Variants in ELP6 observed in about 807,000 individuals in gnomAD.
ELP6 encodes the protein elongator acetyltransferase complex subunit 6.
Under a neutral mutation model 28.1 loss-of-function variants are expected in ELP6, and 23 were observed. The observed-to-expected ratio is 0.82, with a 90% CI of 0.59 to 1.16. ELP6 has a LOEUF of 1.16. Ranked by LOEUF, ELP6 falls within the 50% of genes most tolerant of loss-of-function variation. ELP6 has a pLI of 0.00. For missense variants in ELP6, 313 were observed against 334.6 expected (o/e 0.94, Z 0.50); for synonymous variants, 132 against 135.8 (o/e 0.97, Z 0.19).
chr3:47,504,589 T>G, intron 3 of ELP6, 141 bp from the exon 4 acceptor site: 2 of 1,274,744 alleles, frequency 1.6e-6, no homozygotes, highest in Non-Finnish European at 2.0e-6. Context: ...CCTGTCTTCA[T>G]TCCCCTGGGT....
intron 5 of ELP6, chr3:47,500,323 T>G: frequency 1.3e-6 from 1 of 797,682 alleles, no homozygotes; most frequent in Non-Finnish European, 1.5e-6. Context: ...GCCGAGGCAG[T>G]AGAATCACCT....
At chr3:47,498,557 G>C in intron 5 of ELP6, 125 bp from the exon 6 acceptor site, 2 of 1,521,930 alleles carry the variant, frequency 1.3e-6, no homozygotes, top group Non-Finnish European at 1.8e-6. Context: ...CCCTGCTGCT[G>C]CTACAGCCAG....
intron 5 of ELP6, chr3:47,498,733 C>T (rs893504099): frequency 3.7e-5 from 36 of 984,950 alleles, no homozygotes; most frequent in East Asian, 3.4e-4. Context: ...AAAAGTGTCA[C>T]CATCCTGCCA....
chr3:47,505,252 G>T (rs1281293165), intron 3 of ELP6, among the ~76,000 whole-genome samples: 1 of 151,962 alleles, frequency 6.6e-6, no homozygotes, highest in Non-Finnish European at 1.5e-5. Flanking sequence ...GGTGACAAGA[G>T]TGAAACTGTC....
chr3:47,499,891 G>A lies in ELP6; in HGVS notation c.526-1459C>T, dbSNP rs192538556. On this transcript the variant is annotated intron_variant, in intron 5 of 6. Coordinates refer to ENST00000296149, the MANE Select transcript of ELP6 (RefSeq NM_001031703.3). Reference sequence around the variant, plus strand: ...AGAAGCTGCAGTGGGACCCGGAGGCGAAGCATATGGAGGTGGAGGACGTGA... The same window carrying A: ...AGAAGCTGCAGTGGGACCCGGAGGCAAAGCATATGGAGGTGGAGGACGTGA... 52 of 1,278,242 alleles carry A rather than the reference G, an allele frequency of 4.1e-5. No homozygotes were observed. The African/African-American group carries it at 5.3e-4, about 13-fold the overall frequency. 79.2% of individuals were successfully genotyped at this position (1,278,242 alleles called of 1,614,324 possible).
intron 4 of ELP6, among the ~76,000 whole-genome samples, chr3:47,502,124 C>G (rs1013232252): frequency 6.6e-6 from 1 of 152,062 alleles, no homozygotes; most frequent in Non-Finnish European, 1.5e-5. Context: ...AGACACCATA[C>G]GTAGCTGGGT....
chr3:47,509,053 C>T (rs554747362), intron 3 of ELP6, among the ~76,000 whole-genome samples: 4 of 152,046 alleles, frequency 2.6e-5, no homozygotes, highest in Non-Finnish European at 5.9e-5. Context: ...TGTGAGCCAC[C>T]GTGCCCAGCC....
intron 5 of ELP6, chr3:47,499,847 A>G: frequency 1.7e-6 from 2 of 1,202,042 alleles, no homozygotes; most frequent in Middle Eastern, 3.8e-4. Context: ...CACAGAACTC[A>G]GCACCAAATA....
At chr3:47,500,952 G>A (rs1252970562) in intron 5 of ELP6, among the ~76,000 whole-genome samples, 2 of 152,174 alleles carry the variant, frequency 1.3e-5, no homozygotes, top group African/African-American at 4.8e-5. Context: ...GCTACTGTGG[G>A]CCAGACACAG....
intron 1 of ELP6, among the ~76,000 whole-genome samples, chr3:47,512,442 C>T (rs1039597747): frequency 5.9e-5 from 9 of 152,176 alleles, no homozygotes; most frequent in Admixed American, 3.9e-4. Flanking sequence ...ATCCCAGCTA[C>T]TTGGGAGGCT....
intron 4 of ELP6, chr3:47,502,964 A>G: frequency 2.2e-6 from 2 of 901,770 alleles, no homozygotes; most frequent in Non-Finnish European, 2.7e-6. Flanking sequence ...CAGCTTGCCT[A>G]TCTCCGTCTT....
At chr3:47,504,603 C>T in intron 3 of ELP6, 155 bp from the exon 4 acceptor site, 5 of 985,370 alleles carry the variant, frequency 5.1e-6, no homozygotes, top group Non-Finnish European at 6.0e-6. Context: ...CCTGGGTGCT[C>T]CCAAACCCAT....
intron 6 of ELP6, 148 bp downstream of exon 6, chr3:47,498,138 T>C (rs957870904): frequency 1.0e-5 from 14 of 1,375,264 alleles, no homozygotes; most frequent in Non-Finnish European, 1.4e-5. Flanking sequence ...GCAGGTCTAT[T>C]ACCTGAAGTC....
chr3:47,513,321 A>G, intron 1 of ELP6: 1 of 1,377,200 alleles, frequency 7.3e-7, no homozygotes, highest in Non-Finnish European at 9.3e-7. Flanking sequence ...GGACACGCAC[A>G]GCCGTTGAGA....
chr3:47,500,326 A>G, intron 5 of ELP6: 1 of 794,258 alleles, frequency 1.3e-6, no homozygotes, highest in Non-Finnish European at 1.5e-6. Flanking sequence ...GAGGCAGTAG[A>G]ATCACCTGAG....
chr3:47,513,631 G>A lies in ELP6; in HGVS notation c.-41C>T. The A allele has an allele frequency of 1.2e-6, 2 of 1,612,136 alleles. No individual in the cohort carries two copies. Among genetic ancestry groups the A allele is most frequent in the Non-Finnish European group, 1.7e-6 (2 of 1,178,948 alleles). ...CTAGCGCTCTGGAGGAGAACCCGGA[G>A]TGCTGCAGAGACGACGGAGGCTGGA... On this transcript the variant is annotated 5_prime_UTR_variant, in exon 1 of 7. Coordinates refer to ENST00000296149, the MANE Select transcript of ELP6 (RefSeq NM_001031703.3).
chr3:47,506,874 T>C (rs1385466954), intron 3 of ELP6, among the ~76,000 whole-genome samples: 1 of 152,214 alleles, frequency 6.6e-6, no homozygotes, highest in Non-Finnish European at 1.5e-5. Context: ...CCATGAAATC[T>C]TCACAATCCA....
Position 47,501,866 on chromosome 3 carries a change from CAA to C in ELP6, c.324-17_324-16del. The C allele has an allele frequency of 1.9e-6, 3 of 1,605,616 alleles. No homozygotes were observed. Among genetic ancestry groups the C allele is most frequent in the Non-Finnish European group, 2.6e-6 (3 of 1,175,794 alleles). ...CATTAGCCTCCCTGGAGAGACAGGA[CAA>C]AAGTTACCAGACTTCACTCTCTCTA... is the stretch of plus-strand genomic sequence containing the variant. On this transcript the variant is annotated splice_polypyrimidine_tract_variant and intron_variant, in intron 4 of 6. Transcript: ENST00000296149.
intron 2 of ELP6, 120 bp downstream of exon 2, chr3:47,511,028 G>A (rs1709000503): frequency 1.3e-6 from 1 of 783,932 alleles, no homozygotes; most frequent in Non-Finnish European, 2.1e-6. Flanking sequence ...GCCCCCCTAG[G>A]TATCCCAACA....
Sources: allele counts gnomAD v4.1 joint callset (sites outside exome capture counted in the v4.1 genomes callset), GRCh38; gene constraint gnomAD v4.1.1; transcripts MANE v1.5; gene names NCBI Gene and HGNC (gene_info 2026-07-23, HGNC 2026-07-21).